The following ZBTB20 variants were observed in gnomAD, a reference collection of about 807,000 sequenced individuals.
ZBTB20 encodes zinc finger and BTB domain-containing protein 20.
Under a neutral mutation model 56.9 loss-of-function variants are expected in ZBTB20, and 9 were observed. The ratio of observed to expected loss-of-function variants is 0.16; its 90% CI spans 0.10 to 0.28. The LOEUF (loss-of-function observed/expected upper bound fraction) is 0.28. ZBTB20 is among the 10% of genes least tolerant of loss of function. The pLI, the probability that ZBTB20 is intolerant of heterozygous loss-of-function variation, is 1.00. For synonymous variants in ZBTB20, 417 were observed against 420.7 expected, an observed-to-expected ratio of 0.99 and a Z score of 0.11; for missense variants, 655 against 1,003.0, an observed-to-expected ratio of 0.65 and a Z score of 4.69.
chr3:114,795,079 A>T (rs567933031), intron 5 of ZBTB20, among the ~76,000 whole-genome samples: 1 of 152,238 alleles, frequency 6.6e-6, no homozygotes, highest in South Asian at 2.1e-4. Flanking sequence ...AAAGAAAATA[A>T]AATTAACTTG....
At position 115,130,012 on chromosome 3, in the gene ZBTB20, A is replaced by C. The variant is rs6802645; in HGVS notation, c.-703+17207T>G. 2.7e-3 allele frequency among the ~76,000 whole-genome samples: 417 copies of C among 152,330 alleles called. 1 individual carries two copies. Among genetic ancestry groups the C allele is most frequent in the African/African-American group, 9.3e-3 (386 of 41,574 alleles). On this transcript the variant is annotated intron_variant, in intron 1 of 11. Transcript: ENST00000675478. ...TATATAAATGTCCATTAAGTGTAAAAAATGCCTTCAGATTTTCATTATCAT... is the reference window on the plus strand; with the variant it reads ...TATATAAATGTCCATTAAGTGTAAACAATGCCTTCAGATTTTCATTATCAT...
At chr3:114,581,826 TG>T (rs2054658574) in intron 6 of ZBTB20, among the ~76,000 whole-genome samples, 1 of 152,164 alleles carries the variant, frequency 6.6e-6, no homozygotes, top group Non-Finnish European at 1.5e-5. Context: ...GAATATAAAT[TG>T]GTACAAATAC....
At chr3:114,574,441 A>C (rs1245252413) in intron 6 of ZBTB20, among the ~76,000 whole-genome samples, 1 of 152,232 alleles carries the variant, frequency 6.6e-6, no homozygotes, top group Non-Finnish European at 1.5e-5. Context: ...TACCATTACC[A>C]GCACTGAAAA....
At chr3:114,340,242 T>C (rs1268086999) in intron 11 of ZBTB20, among the ~76,000 whole-genome samples, 1 of 152,088 alleles carries the variant, frequency 6.6e-6, no homozygotes, top group Non-Finnish European at 1.5e-5. Flanking sequence ...CTCTGAGGTA[T>C]ACAGTCCTAC....
intron 5 of ZBTB20, among the ~76,000 whole-genome samples, chr3:114,702,994 TTG>T (rs138375005): frequency 6.1e-4 from 89 of 145,760 alleles, no homozygotes; most frequent in South Asian, 1.8e-3. Flanking sequence ...TTACACAAAT[TTG>T]TGTGTGTGTG....
intron 2 of ZBTB20, among the ~76,000 whole-genome samples, chr3:115,059,205 A>G (rs1391903450): frequency 2.0e-5 from 3 of 152,110 alleles, no homozygotes; most frequent in Non-Finnish European, 2.9e-5. Flanking sequence ...CACATTTTCC[A>G]GCTTTTTCAT....
intron 5 of ZBTB20, among the ~76,000 whole-genome samples, chr3:114,741,395 CATA>C (rs2066561231): frequency 1.3e-5 from 2 of 152,050 alleles, no homozygotes; most frequent in African/African-American, 4.8e-5. Context: ...CACCCAAAAA[CATA>C]ATTTCTATGT....
chr3:114,757,809 TTTTA>T (rs1233123211), intron 5 of ZBTB20, among the ~76,000 whole-genome samples: 11 of 152,162 alleles, frequency 7.2e-5, no homozygotes, highest in Admixed American at 5.9e-4. Flanking sequence ...GCAACATATG[TTTTA>T]TTTATTTATA....
At chr3:114,378,550 A>G (rs747793722) in intron 10 of ZBTB20, among the ~76,000 whole-genome samples, 1 of 152,252 alleles carries the variant, frequency 6.6e-6, no homozygotes, top group Non-Finnish European at 1.5e-5. Context: ...ACAATAAGTG[A>G]AGCCCAATGC....
intron 5 of ZBTB20, among the ~76,000 whole-genome samples, chr3:114,751,125 T>C (rs1560206679): frequency 6.6e-6 from 1 of 152,128 alleles, no homozygotes; most frequent in Non-Finnish European, 1.5e-5. Flanking sequence ...TGTTATTATT[T>C]ATATATCAAT....
At chr3:114,367,790 C>T (rs2082576101) in intron 10 of ZBTB20, among the ~76,000 whole-genome samples, 1 of 144,576 alleles carries the variant, frequency 6.9e-6, no homozygotes, top group South Asian at 2.2e-4. Flanking sequence ...GAAAAAAAAA[C>T]ATACAAATGG....
At chr3:114,511,062 G>A (rs1474056683) in intron 6 of ZBTB20, among the ~76,000 whole-genome samples, 6 of 143,930 alleles carry the variant, frequency 4.2e-5, no homozygotes, top group African/African-American at 1.5e-4. Context: ...TCAACATGAT[G>A]AAACTGAAAA....
chr3:114,629,534 T>C (rs935041317), intron 6 of ZBTB20, among the ~76,000 whole-genome samples: 1 of 152,152 alleles, frequency 6.6e-6, no homozygotes, highest in African/African-American at 2.4e-5. Context: ...TAGACTAATA[T>C]ATAGCACCAT....
chr3:114,369,463 T>C (rs1171629045), intron 10 of ZBTB20, among the ~76,000 whole-genome samples: 1 of 152,250 alleles, frequency 6.6e-6, no homozygotes, highest in Non-Finnish European at 1.5e-5. Context: ...CATGTGGTTG[T>C]TTATATAATT....
chr3:114,722,729 T>C (rs1048469656), intron 5 of ZBTB20, among the ~76,000 whole-genome samples: 2 of 152,204 alleles, frequency 1.3e-5, no homozygotes, highest in Non-Finnish European at 2.9e-5. Context: ...TCAGTTGCTG[T>C]CATGACAAGC....
chr3:114,396,204 T>C (rs2086323193), intron 7 of ZBTB20, among the ~76,000 whole-genome samples: 1 of 152,176 alleles, frequency 6.6e-6, no homozygotes, highest in African/African-American at 2.4e-5. Context: ...CACAGCATTT[T>C]ATTTGGTATT....
chr3:115,033,326 T>A (rs954906629), intron 2 of ZBTB20, among the ~76,000 whole-genome samples: 1 of 150,988 alleles, frequency 6.6e-6, no homozygotes, highest in African/African-American at 2.4e-5. Context: ...GAATAGAAAA[T>A]CTGAATAGAC....
intron 1 of ZBTB20, among the ~76,000 whole-genome samples, chr3:115,078,213 C>G (rs894566393): frequency 3.3e-5 from 5 of 152,128 alleles, no homozygotes; most frequent in African/African-American, 1.2e-4. Flanking sequence ...TTGTATATCT[C>G]ACACTATCTA....
chr3:114,933,964 C>A (rs751198204), intron 3 of ZBTB20, among the ~76,000 whole-genome samples: 44 of 152,266 alleles, frequency 2.9e-4, no homozygotes, highest in Non-Finnish European at 5.1e-4. Flanking sequence ...CATTGCACTG[C>A]ATTCAGAATC....
Sources: allele counts gnomAD v4.1 joint callset (sites outside exome capture counted in the v4.1 genomes callset), GRCh38; gene constraint gnomAD v4.1.1; transcripts MANE v1.5; gene names NCBI Gene and HGNC (gene_info 2026-07-23, HGNC 2026-07-21).